Variants in ZNF276 observed in about 807,000 individuals in gnomAD.
ZNF276 encodes centromere protein Z.
A neutral mutation model predicts 63.9 loss-of-function variants in ZNF276; 59 were observed. That is an observed-to-expected ratio of 0.92 (90% CI 0.75 to 1.15). The LOEUF (loss-of-function observed/expected upper bound fraction) is 1.15. Among genes scored for constraint, ZNF276 ranks in the 50% most tolerant of loss-of-function variants. The pLI is 0.00. For synonymous variants in ZNF276, 496 were observed against 348.4 expected, an observed-to-expected ratio of 1.42 and a Z score of -4.72; for missense variants, 1,084 against 843.8, an observed-to-expected ratio of 1.28 and a Z score of -3.53.
At chr16:89,731,186 T>C (rs1461323417) in intron 6 of ZNF276, among the ~76,000 whole-genome samples, 1 of 152,234 alleles carries the variant, frequency 6.6e-6, no homozygotes, top group East Asian at 1.9e-4. Flanking sequence ...GGCTAGGTCA[T>C]GAAAACCAGT....
intron 6 of ZNF276, 123 bp downstream of exon 6, chr16:89,729,441 C>A: frequency 1.1e-6 from 1 of 882,602 alleles, no homozygotes; most frequent in Non-Finnish European, 1.8e-6. Context: ...TCTCCCGAGC[C>A]CAGTGAAACG....
chr16:89,732,320 CTGGG>C (rs2061680379), intron 6 of ZNF276: 1 of 152,366 alleles, frequency 6.6e-6, no homozygotes, highest in Non-Finnish European at 1.5e-5. Context: ...GGAACACAGG[CTGGG>C]CTCCCTGCAG....
chr16:89,729,673 T>C (rs889300189), intron 6 of ZNF276, among the ~76,000 whole-genome samples: 3 of 152,142 alleles, frequency 2.0e-5, no homozygotes, highest in Admixed American at 2.0e-4. Flanking sequence ...CACACCCCAG[T>C]GTACCCCCGA....
chr16:89,737,727 T>G, intron 9 of ZNF276, 79 bp from the exon 10 acceptor site: 1 of 1,601,760 alleles, frequency 6.2e-7, no homozygotes. Context: ...CCAGCTGTGA[T>G]GGTTTCACAT....
chr16:89,738,266 C>T lies in ZNF276; in HGVS notation c.*20C>T, dbSNP rs199528837. The T allele has an allele frequency of 7.0e-6, 11 of 1,577,466 alleles. No homozygotes were observed. In the East Asian group the frequency reaches 2.6e-4, roughly 37 times the overall value. On this transcript the variant is annotated 3_prime_UTR_variant, in exon 11 of 11. Transcript: ENST00000443381. ...ACCTGAGGACGGCAGTGAGGATGAGCACCTCTAGCAGCCTGGACTCCGCAG... is the reference window on the plus strand; with the variant it reads ...ACCTGAGGACGGCAGTGAGGATGAGTACCTCTAGCAGCCTGGACTCCGCAG...
chr16:89,739,682 C>G lies in ZNF276; in HGVS notation c.*1436C>G. 1 of 1,517,538 alleles carries G rather than the reference C, an allele frequency of 6.6e-7. No individual in the cohort carries two copies. The highest frequency in any genetic ancestry group is 8.9e-7 in the Non-Finnish European group (1 of 1,125,290). The allele number at this position is 1,517,538 out of a possible 1,614,324, so 94.0% of individuals were successfully genotyped here. The stretch of plus-strand genomic sequence containing the variant: ...TGTGGGGATAGTGTGGGGCGAACAG[C>G]CTGAGCTGAGGATACCCAGGTACCT... On this transcript the variant is annotated 3_prime_UTR_variant, in exon 11 of 11. Transcript: ENST00000443381.
chr16:89,728,830 C>T (rs567482131), intron 5 of ZNF276, among the ~76,000 whole-genome samples: 4 of 152,366 alleles, frequency 2.6e-5, no homozygotes, highest in African/African-American at 9.6e-5. Flanking sequence ...AGCCTCTGCA[C>T]CCAGCCACTT....
intron 4 of ZNF276, 33 bp downstream of exon 4, chr16:89,723,742 G>A (rs747693893): frequency 2.5e-6 from 4 of 1,586,962 alleles, no homozygotes; most frequent in South Asian, 1.1e-5. Context: ...GCTAGACCAG[G>A]ATGTGTGCTC....
At chr16:89,735,923 C>T (rs2061859711) in intron 9 of ZNF276, among the ~76,000 whole-genome samples, 1 of 134,312 alleles carries the variant, frequency 7.4e-6, no homozygotes. Flanking sequence ...CTGAGTCTTG[C>T]TCTTGTCGCC....
At chr16:89,722,385 C>T (rs2061322487) in intron 1 of ZNF276, 146 bp from the exon 2 acceptor site, 1 of 901,966 alleles carries the variant, frequency 1.1e-6, no homozygotes, top group Non-Finnish European at 1.6e-6. Context: ...CTTGTCCCGC[C>T]GAGAGCCGCG....
intron 9 of ZNF276, 60 bp downstream of exon 9, chr16:89,734,098 C>A: frequency 6.6e-7 from 1 of 1,525,232 alleles, no homozygotes; most frequent in Admixed American, 1.7e-5. Context: ...GACCTGCTTT[C>A]CAGTCTTCCT....
chr16:89,734,755 G>A (rs2061793529), intron 9 of ZNF276, among the ~76,000 whole-genome samples: 1 of 152,002 alleles, frequency 6.6e-6, no homozygotes, highest in Non-Finnish European at 1.5e-5. Flanking sequence ...TAAGACCGGA[G>A]GCGGATGGGG....
At chr16:89,736,736 A>T (rs2061915448) in intron 9 of ZNF276, among the ~76,000 whole-genome samples, 1 of 145,030 alleles carries the variant, frequency 6.9e-6, no homozygotes, top group Non-Finnish European at 1.5e-5. Context: ...TCCAGGCTAT[A>T]GTGAGCCATG....
In ZNF276 at chr16:89,721,794, G is replaced by T. The variant is rs533389782; in HGVS notation, c.154G>T (p.Gly52Cys). ...CGGGGCGACGGCGCGGCGCGCCTGG[G>T]GCCCGGTGGGGTCCTGCGGGGACGC... ...VDGATARRAW[G>C]PVGSCGDAGE... Residue 52 changes from glycine to cysteine, a missense_variant, in exon 1 of 11, where the codon GGC becomes TGC. Gly to Cys is a radical substitution (Grantham distance 159). Coordinates refer to ENST00000443381, the MANE Select transcript of ZNF276 (RefSeq NM_001113525.2). 2.4e-4 allele frequency: 297 copies of T among 1,256,198 alleles called. 1 individual carries two copies. The African/African-American group carries it at 4.1e-3, about 17-fold the overall frequency. 77.8% of individuals were successfully genotyped at this position (1,256,198 alleles called of 1,614,324 possible). A position where few individuals can be genotyped will look rare whatever the true frequency, so the allele number is the denominator to read the frequency against.
chr16:89,736,427 C>G (rs932408378), intron 9 of ZNF276, among the ~76,000 whole-genome samples: 1 of 150,946 alleles, frequency 6.6e-6, no homozygotes, highest in Non-Finnish European at 1.5e-5. Flanking sequence ...TGGGTTCATG[C>G]AATTCTGCTG....
rs192671758 is a variant in ZNF276 at position 89,733,275 on chromosome 16, T to C, written c.1170-27T>C. 6.3e-5 allele frequency: 100 copies of C among 1,599,688 alleles called. No homozygotes were observed. In the African/African-American group the frequency reaches 7.1e-4, roughly 11 times the overall value. ...TTTTGCAAATGGAGATCAGAAACCATTGAATTTGGGAACCTCTTTTTTTCA... is the reference window on the plus strand; with the variant it reads ...TTTTGCAAATGGAGATCAGAAACCACTGAATTTGGGAACCTCTTTTTTTCA... On this transcript the variant is annotated intron_variant, in intron 6 of 10. Coordinates refer to ENST00000443381, the MANE Select transcript of ZNF276 (RefSeq NM_001113525.2).
chr16:89,729,417 C>G (rs1000539124), intron 6 of ZNF276, 99 bp downstream of exon 6: 7 of 1,070,584 alleles, frequency 6.5e-6, no homozygotes, highest in East Asian at 2.4e-5. Flanking sequence ...TCAGTTCACT[C>G]TCTCGTGTGC....
chr16:89,731,419 A>G (rs2061646895), intron 6 of ZNF276: 2 of 152,096 alleles, frequency 1.3e-5, no homozygotes, highest in Non-Finnish European at 2.9e-5. Flanking sequence ...ATACCTGGCT[A>G]ATTTTTGTAT....
chr16:89,724,942 A>G lies in ZNF276; in HGVS notation c.1006+1233A>G, dbSNP rs572535072. On this transcript the variant is annotated intron_variant, in intron 4 of 10. Transcript: ENST00000443381. ...TATTTATTTACCTACTTATCTATCT[A>G]TCTATGTGTTTATTTATTTTTGAGA... Among the ~76,000 whole-genome samples, 30 of 152,092 alleles carry G rather than the reference A, an allele frequency of 2.0e-4. 1 individual carries two copies. The South Asian group carries it at 5.8e-3, about 29-fold the overall frequency.
Sources: gnomAD v4.1 joint callset for allele counts (sites outside exome capture counted in the v4.1 genomes callset) on GRCh38, gnomAD v4.1.1 for gene constraint, MANE v1.5 for transcripts, NCBI Gene and HGNC (gene_info 2026-07-23, HGNC 2026-07-21) for gene names.